Variants in INTS8 observed in about 807,000 individuals in gnomAD.
The protein encoded by INTS8 is protein kaonashi-1.
Under a neutral mutation model 138.9 loss-of-function variants are expected in INTS8, and 47 were observed. The ratio of observed to expected loss-of-function variants is 0.34; its 90% CI spans 0.27 to 0.43. The LOEUF is 0.43. INTS8 is among the 20% of genes least tolerant of loss of function. The pLI, the probability that INTS8 is intolerant of heterozygous loss-of-function variation, is 1.00. For synonymous variants in INTS8, 392 were observed against 400.9 expected (o/e 0.98, Z 0.27); for missense variants, 996 against 1,173.0 (o/e 0.85, Z 2.20).
intron 13 of INTS8, among the ~76,000 whole-genome samples, chr8:94,853,313 A>G (rs1815620664): frequency 6.6e-6 from 1 of 152,152 alleles, no homozygotes; most frequent in Non-Finnish European, 1.5e-5. Context: ...CTCTATCTCA[A>G]AAATCAAGAA....
chr8:94,856,640 A>G (rs757623756), intron 14 of INTS8, 137 bp from the exon 15 acceptor site: 121 of 674,124 alleles, frequency 1.8e-4, no homozygotes, highest in Non-Finnish European at 2.7e-4. Context: ...TGAAAATACT[A>G]TCTAGCCTTA....
chr8:94,865,418 C>T (rs1816143230), intron 16 of INTS8, 88 bp from the exon 17 acceptor site: 1 of 1,045,198 alleles, frequency 9.6e-7, no homozygotes, highest in Non-Finnish European at 1.4e-6. Context: ...GCAGTCATTC[C>T]ATCTTTCCTC....
At chr8:94,875,841 C>T in intron 23 of INTS8, 2 of 432,250 alleles carry the variant, frequency 4.6e-6, no homozygotes, top group South Asian at 2.8e-5. Context: ...TGGCTTTTTG[C>T]CAGCTTCTCA....
chr8:94,843,578 A>AT (rs942910420), intron 10 of INTS8, among the ~76,000 whole-genome samples: 30 of 151,948 alleles, frequency 2.0e-4, no homozygotes, highest in African/African-American at 6.3e-4. Flanking sequence ...AAAAAAAAAA[A>AT]GTTAGAATAT....
In INTS8 at chr8:94,871,927, G is replaced by C. The variant is rs1410151071; in HGVS notation, c.2458G>C (p.Glu820Gln). 4 of 1,609,794 alleles carry C rather than the reference G, an allele frequency of 2.5e-6. No homozygotes were observed. The highest frequency in any genetic ancestry group is 1.7e-5 in the Admixed American group (1 of 59,800). The part of the protein sequence containing the change: ...DFEAVAITVK[E>Q]LVRYTLSINP... ...TGAAGCTGTGGCAATCACAGTGAAA[G>C]AGCTAGTTCGATATACACTCAGTAT... Residue 820 changes from glutamate (E) to glutamine (Q), a missense_variant, in exon 21 of 27, where the codon GAG becomes CAG. Coordinates refer to ENST00000523731, the MANE Select transcript of INTS8 (RefSeq NM_017864.4).
chr8:94,860,573 C>CT (rs1489332828), intron 16 of INTS8, among the ~76,000 whole-genome samples: 4 of 100,544 alleles, frequency 4.0e-5, no homozygotes, highest in African/African-American at 1.2e-4. Context: ...GAGCGAAACT[C>CT]TACCTCAAAA....
In INTS8 at chr8:94,827,332, A is replaced by G; in HGVS notation, c.375A>G (p.Thr125=). Reference sequence around the variant, plus strand: ...GCATCAGTAAAGTTCCTCCTGGGACAAAGCATGTAGACATGGATCTGGCCA... The same window carrying G: ...GCATCAGTAAAGTTCCTCCTGGGACGAAGCATGTAGACATGGATCTGGCCA... ...LLCISKVPPG[T]KHVDMDLATL... Residue 125 remains threonine, a synonymous_variant, in exon 3 of 27, where the codon ACA becomes ACG. Coordinates refer to ENST00000523731, the MANE Select transcript of INTS8 (RefSeq NM_017864.4). 6.2e-7 allele frequency: 1 copy of G among 1,613,914 alleles called. No homozygotes were observed. The highest frequency in any genetic ancestry group is 8.5e-7 in the Non-Finnish European group (1 of 1,179,720).
At chr8:94,830,706 C>G (rs781148707) in intron 5 of INTS8, among the ~76,000 whole-genome samples, 5 of 152,194 alleles carry the variant, frequency 3.3e-5, no homozygotes, top group South Asian at 2.1e-4. Flanking sequence ...CCATGTTGTT[C>G]AGTCTGGTCT....
At chr8:94,846,855 A>G (rs1815350914) in intron 10 of INTS8, among the ~76,000 whole-genome samples, 1 of 152,228 alleles carries the variant, frequency 6.6e-6, no homozygotes, top group African/African-American at 2.4e-5. Context: ...AAATGGTCAC[A>G]TAATTTCTCT....
Position 94,823,392 on chromosome 8 carries a change from G to A in INTS8, c.-40G>A. On this transcript the variant is annotated 5_prime_UTR_variant, in exon 1 of 27. Transcript: ENST00000523731. ...GCCCGCATCCAAGTGTCAGGTTGGA[G>A]CCGGGAAGCGGCCCTGGTGGTAGCG... 6.6e-7 allele frequency: 1 copy of A among 1,510,678 alleles called. No individual in the cohort carries two copies. 93.6% of individuals were successfully genotyped at this position (1,510,678 alleles called of 1,614,324 possible).
chr8:94,852,863 C>T (rs1040181113), intron 13 of INTS8, among the ~76,000 whole-genome samples: 2 of 152,144 alleles, frequency 1.3e-5, no homozygotes, highest in Non-Finnish European at 2.9e-5. Context: ...CTGCCTCAGC[C>T]TCCCAAAGTG....
chr8:94,866,934 G>A, intron 18 of INTS8: 1 of 487,532 alleles, frequency 2.1e-6, no homozygotes, highest in Non-Finnish European at 3.7e-6. Context: ...CTAATTTTAT[G>A]TAAATTATGT....
At chr8:94,828,296 C>T (rs1814586915) in intron 4 of INTS8, among the ~76,000 whole-genome samples, 1 of 152,170 alleles carries the variant, frequency 6.6e-6, no homozygotes, top group African/African-American at 2.4e-5. Context: ...CCGCCTTGGT[C>T]TTCCAAAGTG....
intron 17 of INTS8, 57 bp downstream of exon 17, chr8:94,865,747 T>G: frequency 7.0e-7 from 1 of 1,433,676 alleles, no homozygotes; most frequent in Non-Finnish European, 9.7e-7. Flanking sequence ...TTATCCTATT[T>G]ATACTATTAA....
At chr8:94,825,923 G>A (rs926613293) in intron 2 of INTS8, among the ~76,000 whole-genome samples, 1 of 151,894 alleles carries the variant, frequency 6.6e-6, no homozygotes, top group East Asian at 1.9e-4. Context: ...TTTATTCCTG[G>A]TTTTTTCACC....
intron 22 of INTS8, 77 bp from the exon 23 acceptor site, chr8:94,874,475 T>G (rs1271257533): frequency 2.0e-5 from 16 of 796,594 alleles, no homozygotes; most frequent in Non-Finnish European, 3.3e-5. Context: ...TCTTTTGACA[T>G]CCCATACCAG....
chr8:94,831,882 AATT>A, intron 5 of INTS8, 107 bp from the exon 6 acceptor site: 1 of 753,276 alleles, frequency 1.3e-6, no homozygotes, highest in Non-Finnish European at 2.0e-6. Flanking sequence ...CTGTGTTAAA[AATT>A]TTTTTAATAG....
intron 16 of INTS8, among the ~76,000 whole-genome samples, chr8:94,863,639 T>G (rs185864322): frequency 5.1e-4 from 77 of 152,330 alleles, no homozygotes; most frequent in Admixed American, 1.1e-3. Context: ...CCACCACACA[T>G]AGTAGGTGCT....
At chr8:94,830,497 G>A (rs554610025) in intron 5 of INTS8, among the ~76,000 whole-genome samples, 2 of 152,254 alleles carry the variant, frequency 1.3e-5, no homozygotes, top group East Asian at 3.9e-4. Flanking sequence ...AAGTGGAACA[G>A]TGCAAATTTT....
Sources: gnomAD v4.1 joint callset for allele counts (sites outside exome capture counted in the v4.1 genomes callset) on GRCh38, gnomAD v4.1.1 for gene constraint, MANE v1.5 for transcripts, NCBI Gene and HGNC (gene_info 2026-07-23, HGNC 2026-07-21) for gene names.